The following GNPTAB variants were observed in gnomAD, a reference collection of about 807,000 sequenced individuals.
GNPTAB encodes N-acetylglucosamine-1-phosphate transferase subunits alpha and beta.
Under a neutral mutation model 136.6 loss-of-function variants are expected in GNPTAB, and 92 were observed. The ratio of observed to expected loss-of-function variants is 0.67; its 90% CI spans 0.57 to 0.80. The LOEUF (loss-of-function observed/expected upper bound fraction) is 0.80. Ranked by LOEUF, GNPTAB falls within the 30% of genes least tolerant of loss-of-function variation. The pLI is 0.00. For missense variants in GNPTAB, 1,343 were observed against 1,501.8 expected (o/e 0.89, Z 1.75); for synonymous variants, 512 against 535.1 (o/e 0.96, Z 0.60).
chr12:101,754,815 T>C (rs370227500), intron 18 of GNPTAB, among the ~76,000 whole-genome samples: 1 of 151,656 alleles, frequency 6.6e-6, no homozygotes, highest in African/African-American at 2.4e-5. Flanking sequence ...ACAAGAGACA[T>C]AGAAACTTGT....
At chr12:101,754,433 A>G (rs1952870233) in intron 18 of GNPTAB, among the ~76,000 whole-genome samples, 1 of 151,326 alleles carries the variant, frequency 6.6e-6, no homozygotes, top group Non-Finnish European at 1.5e-5. Flanking sequence ...TCTGTCTCAA[A>G]AAGATTAAAA....
chr12:101,761,844 TGGTAATAA>T, intron 13 of GNPTAB, 81 bp from the exon 14 acceptor site: 1 of 1,028,184 alleles, frequency 9.7e-7, no homozygotes, highest in Non-Finnish European at 1.5e-6. Context: ...TTATATAATG[TGGTAATAA>T]CTAGTCACGA....
At chr12:101,754,730 C>T (rs1449179546) in intron 18 of GNPTAB, among the ~76,000 whole-genome samples, 2 of 126,496 alleles carry the variant, frequency 1.6e-5, no homozygotes, top group South Asian at 2.5e-4. Flanking sequence ...GAAGTAGATT[C>T]GCCAAAATTA....
At position 101,785,123 on chromosome 12, in the gene GNPTAB, C is replaced by A. The variant is rs552138088; in HGVS notation, c.571+889G>T. ...AAAGTCTGAGATCAGAGTGCCAGCA[C>A]GCTTGGGTTTTGGTGAGGGTACTCT... On this transcript the variant is annotated intron_variant, in intron 5 of 20. Transcript: ENST00000299314. 2.0e-5 allele frequency among the ~76,000 whole-genome samples: 3 copies of A among 152,364 alleles called. No homozygotes were observed. The South Asian group carries it at 6.2e-4, about 32-fold the overall frequency.
chr12:101,749,446 G>A (rs1313605947), intron 19 of GNPTAB, among the ~76,000 whole-genome samples: 1 of 152,032 alleles, frequency 6.6e-6, no homozygotes, highest in African/African-American at 2.4e-5. Flanking sequence ...AATTACTTCT[G>A]GCACTTAAAC....
intron 5 of GNPTAB, 173 bp downstream of exon 5, chr12:101,785,839 C>T (rs900988180): frequency 1.1e-5 from 7 of 609,014 alleles, no homozygotes; most frequent in African/African-American, 9.3e-5. Context: ...ATGCAGCAAT[C>T]CCTTTTTGAG....
intron 2 of GNPTAB, among the ~76,000 whole-genome samples, chr12:101,791,071 T>G (rs1372789654): frequency 6.6e-6 from 1 of 152,224 alleles, no homozygotes; most frequent in Non-Finnish European, 1.5e-5. Context: ...AATAAGTATA[T>G]GCTGACATAT....
At chr12:101,756,982 C>T (rs779121196) in intron 18 of GNPTAB, 9 of 481,846 alleles carry the variant, frequency 1.9e-5, no homozygotes, top group Non-Finnish European at 3.3e-5. Context: ...TCTCTCTGAA[C>T]AGCTTGTTAT....
At chr12:101,824,250 G>A (rs1870956276) in intron 1 of GNPTAB, among the ~76,000 whole-genome samples, 1 of 151,668 alleles carries the variant, frequency 6.6e-6, no homozygotes, top group African/African-American at 2.4e-5. Flanking sequence ...TAGAACAGAA[G>A]GTGGGGTTGC....
chr12:101,762,903 TAAAAAAAAAA>T (rs35645073), intron 13 of GNPTAB, among the ~76,000 whole-genome samples: 3 of 125,190 alleles, frequency 2.4e-5, no homozygotes, highest in East Asian at 2.2e-4. Context: ...TTTGTAAATT[TAAAAAAAAAA>T]AAAAAAAAAA....
At chr12:101,773,319 C>T in intron 7 of GNPTAB, 1 of 262,828 alleles carries the variant, frequency 3.8e-6, no homozygotes, top group Middle Eastern at 8.2e-4. Flanking sequence ...ATGCTCTCCA[C>T]CTGCTCCCTC....
intron 5 of GNPTAB, chr12:101,785,707 T>C (rs892094698): frequency 2.4e-5 from 8 of 336,288 alleles, no homozygotes; most frequent in Non-Finnish European, 2.8e-5. Context: ...GTAGAGGAGT[T>C]ATATAGTAGA....
chr12:101,789,404 G>T (rs1327005641), intron 3 of GNPTAB, among the ~76,000 whole-genome samples: 1 of 152,216 alleles, frequency 6.6e-6, no homozygotes, highest in Non-Finnish European at 1.5e-5. Context: ...AGTTTGTTTG[G>T]ATGGCACTGT....
Position 101,749,096 on chromosome 12 carries a change from C to T in GNPTAB, c.3693+5G>A, listed in dbSNP as rs1327300457. On this transcript the variant is annotated splice_donor_5th_base_variant and intron_variant, in intron 20 of 20. Transcript: ENST00000299314. ...TAATACCCACATAAAATATATAAAA[C>T]TTACCTGCTCAGCAAAAAATGAGAA... is the stretch of plus-strand genomic sequence containing the variant. 20 of 1,551,854 alleles carry T rather than the reference C, an allele frequency of 1.3e-5. No homozygotes were observed. The highest frequency in any genetic ancestry group is 1.6e-5 in the Non-Finnish European group (18 of 1,124,528).
intron 7 of GNPTAB, among the ~76,000 whole-genome samples, chr12:101,775,365 C>T (rs201755839): frequency 2.0e-3 from 280 of 143,360 alleles, no homozygotes; most frequent in African/African-American, 6.9e-3. Context: ...TCTTTTTTTT[C>T]TTTTTTTTTT....
chr12:101,771,178 T>A, intron 7 of GNPTAB, 21 bp from the exon 8 acceptor site: 1 of 1,606,438 alleles, frequency 6.2e-7, no homozygotes. Context: ...ACAAGAGGAT[T>A]ACACATGAAA....
chr12:101,762,296 T>G (rs914856910), intron 13 of GNPTAB, among the ~76,000 whole-genome samples: 1 of 152,156 alleles, frequency 6.6e-6, no homozygotes, highest in Non-Finnish European at 1.5e-5. Flanking sequence ...TTCAAACACT[T>G]TACAGAAATA....
chr12:101,749,043 A>G, intron 20 of GNPTAB, 58 bp downstream of exon 20: 1 of 956,888 alleles, frequency 1.0e-6, no homozygotes, highest in Non-Finnish European at 1.7e-6. Flanking sequence ...TAAAACATTC[A>G]GATGCTAGTA....
chr12:101,807,070 A>G (rs945521027), intron 1 of GNPTAB, among the ~76,000 whole-genome samples: 1 of 152,228 alleles, frequency 6.6e-6, no homozygotes, highest in African/African-American at 2.4e-5. Flanking sequence ...ATATATAAAA[A>G]GAATTATTTA....
Sources: gnomAD v4.1 joint callset for allele counts (sites outside exome capture counted in the v4.1 genomes callset) on GRCh38, gnomAD v4.1.1 for gene constraint, MANE v1.5 for transcripts, NCBI Gene and HGNC (gene_info 2026-07-23, HGNC 2026-07-21) for gene names.